Variants in SPECC1 observed in about 807,000 individuals in gnomAD.
The protein encoded by SPECC1 is sperm antigen with calponin homology and coiled-coil domains 1, also known as cytospin-B.
Under a neutral mutation model 104.1 loss-of-function variants are expected in SPECC1, and 62 were observed. The observed-to-expected ratio is 0.60, with a 90% CI of 0.49 to 0.74. The LOEUF (loss-of-function observed/expected upper bound fraction) is 0.74. Among genes scored for constraint, SPECC1 ranks in the 30% least tolerant of loss-of-function variants. SPECC1 has a pLI of 0.00. For synonymous variants in SPECC1, 513 were observed against 501.6 expected (o/e 1.02, Z -0.30); for missense variants, 1,306 against 1,310.5 (o/e 1.00, Z 0.05).
chr17:20,146,786 AT>A (rs1313513174), intron 3 of SPECC1, among the ~76,000 whole-genome samples: 2 of 152,024 alleles, frequency 1.3e-5, no homozygotes, highest in South Asian at 2.1e-4. Context: ...GGTGCCTGTA[AT>A]CCCAGCTACT....
intron 3 of SPECC1, among the ~76,000 whole-genome samples, chr17:20,135,591 G>A (rs1254881432): frequency 6.6e-6 from 1 of 152,072 alleles, no homozygotes; most frequent in Non-Finnish European, 1.5e-5. Flanking sequence ...AGTCTGGATG[G>A]ACCACAGGCA....
chr17:20,101,028 G>A (rs2047921241), intron 2 of SPECC1, among the ~76,000 whole-genome samples: 1 of 152,194 alleles, frequency 6.6e-6, no homozygotes, highest in South Asian at 2.1e-4. Flanking sequence ...GTATTCCATG[G>A]TGTATATGTG....
chr17:20,148,317 G>T (rs904405175), intron 3 of SPECC1, among the ~76,000 whole-genome samples: 11 of 151,946 alleles, frequency 7.2e-5, no homozygotes, highest in Admixed American at 1.3e-4. Flanking sequence ...ATAGCTCACT[G>T]CAACCTTGAA....
intron 3 of SPECC1, among the ~76,000 whole-genome samples, chr17:20,186,772 G>A (rs761756134): frequency 1.8e-4 from 28 of 152,108 alleles, no homozygotes; most frequent in Non-Finnish European, 3.5e-4. Flanking sequence ...TCACTATGTT[G>A]CCCAGGCTGG....
At chr17:20,256,639 T>C (rs957865309) in intron 10 of SPECC1, among the ~76,000 whole-genome samples, 1 of 152,208 alleles carries the variant, frequency 6.6e-6, no homozygotes, top group Non-Finnish European at 1.5e-5. Context: ...CTTAGTTCTC[T>C]GAGCTCCAGT....
intron 3 of SPECC1, among the ~76,000 whole-genome samples, chr17:20,125,206 A>G (rs1254891099): frequency 2.0e-5 from 3 of 151,478 alleles, no homozygotes; most frequent in Non-Finnish European, 2.9e-5. Context: ...AACAAAACAA[A>G]ACAAAAAAAT....
chr17:20,178,333 G>A (rs1307605065), intron 3 of SPECC1, among the ~76,000 whole-genome samples: 2 of 152,144 alleles, frequency 1.3e-5, no homozygotes, highest in Non-Finnish European at 2.9e-5. Context: ...GGAGACCCCA[G>A]TGTGCCCTTT....
chr17:20,023,639 C>T (rs552229328), intron 1 of SPECC1, among the ~76,000 whole-genome samples: 7 of 152,190 alleles, frequency 4.6e-5, no homozygotes, highest in Non-Finnish European at 8.8e-5. Flanking sequence ...ACTTCATCTG[C>T]AAATTCCATG....
chr17:20,112,525 T>G, intron 3 of SPECC1: 5 of 774,870 alleles, frequency 6.5e-6, no homozygotes, highest in Non-Finnish European at 1.2e-5. Context: ...ATTTGGACCT[T>G]TGAAACATTA....
chr17:20,184,378 CAGAG>C (rs952091518), intron 3 of SPECC1, among the ~76,000 whole-genome samples: 11 of 152,056 alleles, frequency 7.2e-5, no homozygotes, highest in Non-Finnish European at 1.0e-4. Flanking sequence ...TGTGTCAACA[CAGAG>C]AGAATGTATT....
chr17:20,171,318 T>A (rs1447890230), intron 3 of SPECC1, among the ~76,000 whole-genome samples: 1 of 152,202 alleles, frequency 6.6e-6, no homozygotes, highest in East Asian at 1.9e-4. Flanking sequence ...CAGCCTGTGC[T>A]TTATGCTTTC....
chr17:20,195,721 C>A (rs1018735787), intron 3 of SPECC1, among the ~76,000 whole-genome samples: 13 of 152,094 alleles, frequency 8.5e-5, no homozygotes, highest in African/African-American at 3.1e-4. Context: ...CCACACCCGG[C>A]TAATTTTTAG....
Position 20,232,236 on chromosome 17 carries a change from C to T in SPECC1, c.2182C>T (p.Leu728=). 1 of 1,614,196 alleles carries T rather than the reference C, an allele frequency of 6.2e-7. No homozygotes were observed. The highest frequency in any genetic ancestry group is 1.1e-5 in the South Asian group (1 of 91,082). ...GGAATGGAGGCGGTTCCAGGCGGATCTGCAGACCGCAGTGGTGGTGGCCAA... is the reference window on the plus strand; with the variant it reads ...GGAATGGAGGCGGTTCCAGGCGGATTTGCAGACCGCAGTGGTGGTGGCCAA... ...TEEWRRFQAD[L]QTAVVVANDI... is the part of the protein sequence containing the mutation. Residue 728 remains leucine (L), a synonymous_variant, in exon 7 of 15, where the codon CTG becomes TTG. Coordinates refer to ENST00000395527, the MANE Select transcript of SPECC1 (RefSeq NM_001243439.2).
At chr17:20,236,716 G>A (rs2038936374) in intron 7 of SPECC1, 1 of 882,812 alleles carries the variant, frequency 1.1e-6, no homozygotes, top group African/African-American at 1.7e-5. Flanking sequence ...GGAACAGTAG[G>A]ACTTAAAATC....
chr17:20,116,286 C>T (rs1018511167), intron 3 of SPECC1, among the ~76,000 whole-genome samples: 2 of 151,982 alleles, frequency 1.3e-5, no homozygotes, highest in Non-Finnish European at 1.5e-5. Flanking sequence ...GATGGGGTTT[C>T]ACCATGTTAG....
At chr17:20,213,379 G>T (rs990928965) in intron 4 of SPECC1, among the ~76,000 whole-genome samples, 4 of 152,196 alleles carry the variant, frequency 2.6e-5, no homozygotes, top group Non-Finnish European at 5.9e-5. Context: ...GCAGGGGTGA[G>T]CCAACGTACC....
chr17:20,197,418 C>T (rs1026396833), intron 3 of SPECC1, among the ~76,000 whole-genome samples: 1 of 152,122 alleles, frequency 6.6e-6, no homozygotes, highest in South Asian at 2.1e-4. Flanking sequence ...AGATATTAAA[C>T]CAGAAACGAC....
At chr17:20,017,917 A>AT (rs1295981146) in intron 1 of SPECC1, 1 of 150,956 alleles carries the variant, frequency 6.6e-6, no homozygotes, top group Non-Finnish European at 1.5e-5. Flanking sequence ...ATCATACTGA[A>AT]TAAAAACTTG....
intron 2 of SPECC1, among the ~76,000 whole-genome samples, chr17:20,108,593 T>C (rs988353407): frequency 6.6e-6 from 1 of 152,242 alleles, no homozygotes; most frequent in Non-Finnish European, 1.5e-5. Context: ...ATATACTCTT[T>C]TGTGTCTGCT....
Sources: allele counts gnomAD v4.1 joint callset (sites outside exome capture counted in the v4.1 genomes callset), GRCh38; gene constraint gnomAD v4.1.1; transcripts MANE v1.5; gene names NCBI Gene and HGNC (gene_info 2026-07-23, HGNC 2026-07-21).